Variants in NALF1 observed in about 807,000 individuals in gnomAD.
NALF1 encodes the protein family with sequence similarity 155 member A.
NALF1 carries 3 observed loss-of-function variants against 48.4 expected under a neutral mutation model. That is an observed-to-expected ratio of 0.06 (90% confidence interval 0.03 to 0.16). NALF1 has a LOEUF of 0.16. NALF1 is among the 10% of genes least tolerant of loss of function. The pLI, the probability that NALF1 is intolerant of heterozygous loss-of-function variation, is 1.00. For missense variants in NALF1, 526 were observed against 571.5 expected, an observed-to-expected ratio of 0.92 and a Z score of 0.81; for synonymous variants, 262 against 245.7, an observed-to-expected ratio of 1.07 and a Z score of -0.62.
At chr13:107,636,009 G>A (rs1389954363) in intron 1 of NALF1, among the ~76,000 whole-genome samples, 3 of 152,146 alleles carry the variant, frequency 2.0e-5, no homozygotes, top group Non-Finnish European at 4.4e-5. Context: ...GTATTTTATG[G>A]AAGGGAAAAT....
intron 1 of NALF1, among the ~76,000 whole-genome samples, chr13:107,840,410 C>T (rs1158051121): frequency 6.6e-6 from 1 of 152,212 alleles, no homozygotes; most frequent in East Asian, 1.9e-4. Flanking sequence ...TTCATCAGGT[C>T]CCCTGGAAAT....
chr13:107,557,735 A>T (rs1440686126), intron 1 of NALF1, among the ~76,000 whole-genome samples: 3 of 152,158 alleles, frequency 2.0e-5, no homozygotes, highest in Non-Finnish European at 1.5e-5. Flanking sequence ...CACAAAATCC[A>T]TGGGTCCCAA....
At chr13:107,470,838 A>C (rs1480834259) in intron 1 of NALF1, among the ~76,000 whole-genome samples, 2 of 152,058 alleles carry the variant, frequency 1.3e-5, no homozygotes, top group African/African-American at 4.8e-5. Flanking sequence ...GTATACACAC[A>C]AAATAATAAT....
At chr13:107,503,923 GA>G (rs1474406297) in intron 1 of NALF1, among the ~76,000 whole-genome samples, 9 of 124,592 alleles carry the variant, frequency 7.2e-5, no homozygotes, top group Non-Finnish European at 1.1e-4. Context: ...ACTTACATGT[GA>G]TTTTTTTTTT....
At chr13:107,499,512 T>G (rs556178975) in intron 1 of NALF1, among the ~76,000 whole-genome samples, 11 of 152,264 alleles carry the variant, frequency 7.2e-5, no homozygotes, top group Admixed American at 2.0e-4. Flanking sequence ...CAGGCCATAT[T>G]GAAGTCTTTT....
At chr13:107,848,152 G>A (rs186959672) in intron 1 of NALF1, among the ~76,000 whole-genome samples, 140 of 152,252 alleles carry the variant, frequency 9.2e-4, no homozygotes, top group Non-Finnish European at 1.6e-4. Context: ...ACAACACAAC[G>A]AAGTTTCCTT....
chr13:107,808,094 A>G (rs1878861471), intron 1 of NALF1, among the ~76,000 whole-genome samples: 1 of 152,156 alleles, frequency 6.6e-6, no homozygotes, highest in African/African-American at 2.4e-5. Flanking sequence ...CTTGGCTACA[A>G]GAATCGATAA....
In NALF1 at chr13:107,233,489, A is replaced by G. The variant is rs116833371; in HGVS notation, c.916-22734T>C. Among the ~76,000 whole-genome samples the G allele has an allele frequency of 4.1e-3, 629 of 152,360 alleles. 7 individuals are homozygous for G. The highest frequency in any genetic ancestry group is 0.015 in the African/African-American group (607 of 41,582). On this transcript the variant is annotated intron_variant, in intron 1 of 2. Coordinates refer to ENST00000375915, the MANE Select transcript of NALF1 (RefSeq NM_001080396.3). The stretch of plus-strand genomic sequence containing the variant: ...CACGTTCCATAGTGTGGACTCAATA[A>G]TTCTTTATCCATCTTAATCTTCATA...
intron 1 of NALF1, among the ~76,000 whole-genome samples, chr13:107,597,360 T>G (rs973353959): frequency 1.6e-4 from 25 of 152,122 alleles, no homozygotes; most frequent in Admixed American, 9.2e-4. Flanking sequence ...ATAATTCAAA[T>G]TATGCTTTCT....
intron 1 of NALF1, among the ~76,000 whole-genome samples, chr13:107,723,350 A>T (rs1161424623): frequency 6.6e-6 from 1 of 152,192 alleles, no homozygotes; most frequent in African/African-American, 2.4e-5. Flanking sequence ...TGGCAAGCTC[A>T]AAGATTGACT....
At chr13:107,208,726 C>T (rs780231077) in intron 2 of NALF1, among the ~76,000 whole-genome samples, 3 of 152,060 alleles carry the variant, frequency 2.0e-5, no homozygotes, top group African/African-American at 4.8e-5. Context: ...AAAATGAAGG[C>T]CTTATCTTCA....
intron 1 of NALF1, among the ~76,000 whole-genome samples, chr13:107,469,571 A>G (rs888505539): frequency 2.6e-5 from 4 of 152,098 alleles, no homozygotes; most frequent in African/African-American, 9.7e-5. Flanking sequence ...GTACACTTTA[A>G]ATCATCTCTG....
At chr13:107,676,901 C>T (rs1308760301) in intron 1 of NALF1, among the ~76,000 whole-genome samples, 1 of 151,950 alleles carries the variant, frequency 6.6e-6, no homozygotes, top group Non-Finnish European at 1.5e-5. Context: ...AATAAAATAC[C>T]AAAAGAATTC....
chr13:107,763,646 A>G (rs1877333716), intron 1 of NALF1, among the ~76,000 whole-genome samples: 1 of 152,194 alleles, frequency 6.6e-6, no homozygotes, highest in Non-Finnish European at 1.5e-5. Context: ...TATTACTAGT[A>G]AACCTGAAAA....
chr13:107,816,562 A>T (rs1413118618), intron 1 of NALF1, among the ~76,000 whole-genome samples: 1 of 152,170 alleles, frequency 6.6e-6, no homozygotes, highest in Non-Finnish European at 1.5e-5. Flanking sequence ...GGTCTCTCAC[A>T]CAACCCATGG....
At chr13:107,684,678 G>GA (rs113980700) in intron 1 of NALF1, among the ~76,000 whole-genome samples, 5 of 152,126 alleles carry the variant, frequency 3.3e-5, no homozygotes, top group Admixed American at 6.5e-5. Flanking sequence ...GGAAAGACAT[G>GA]AAAAAAACCT....
In NALF1 at chr13:107,168,565, C is replaced by T. The variant is rs762510460; in HGVS notation, c.*1932G>A. ...GGTGTTTTCTTTTTTTTTGTATTTG[C>T]GCAGACCATTTTAAGATTTTCAGTC... On this transcript the variant is annotated 3_prime_UTR_variant, in exon 3 of 3. Transcript: ENST00000375915. 6.6e-6 allele frequency: 1 copy of T among 151,914 alleles called. No individual in the cohort carries two copies. Among genetic ancestry groups the T allele is most frequent in the African/African-American group, 2.4e-5 (1 of 41,162 alleles). 9.4% of individuals were successfully genotyped at this position (151,914 alleles called of 1,614,324 possible).
At chr13:107,423,636 GAGA>G (rs1330865216) in intron 1 of NALF1, among the ~76,000 whole-genome samples, 1 of 152,150 alleles carries the variant, frequency 6.6e-6, no homozygotes, top group African/African-American at 2.4e-5. Context: ...TGAGGAGACA[GAGA>G]AGATGTGTGA....
chr13:107,754,507 T>G (rs1877037498), intron 1 of NALF1, among the ~76,000 whole-genome samples: 1 of 152,058 alleles, frequency 6.6e-6, no homozygotes, highest in Non-Finnish European at 1.5e-5. Context: ...TGAAAGTGTT[T>G]TTGCTGTGGG....
Sources: gnomAD v4.1 joint callset for allele counts (sites outside exome capture counted in the v4.1 genomes callset) on GRCh38, gnomAD v4.1.1 for gene constraint, MANE v1.5 for transcripts, NCBI Gene and HGNC (gene_info 2026-07-23, HGNC 2026-07-21) for gene names.